The following TACR1 variants were observed in gnomAD, a reference collection of about 807,000 sequenced individuals.
TACR1 encodes the protein tachykinin receptor 1.
TACR1 carries 25 observed loss-of-function variants against 35.8 expected under a neutral mutation model. That is an observed-to-expected ratio of 0.70 (90% CI 0.51 to 0.98). The LOEUF (loss-of-function observed/expected upper bound fraction) is 0.98, where lower values mean the gene tolerates loss of function less well. Among genes scored for constraint, TACR1 ranks in the 50% least tolerant of loss-of-function variants. TACR1 has a pLI of 0.00. For synonymous variants in TACR1, 195 were observed against 206.7 expected, an observed-to-expected ratio of 0.94 and a Z score of 0.48; for missense variants, 478 against 522.9, an observed-to-expected ratio of 0.91 and a Z score of 0.84.
chr2:75,090,174 A>C (rs1332720483), intron 2 of TACR1, among the ~76,000 whole-genome samples: 1 of 152,022 alleles, frequency 6.6e-6, no homozygotes. Flanking sequence ...CCATCCTCCT[A>C]TCCTGTTCTG....
chr2:75,166,976 C>T (rs1269546229), intron 1 of TACR1, among the ~76,000 whole-genome samples: 1 of 152,042 alleles, frequency 6.6e-6, no homozygotes, highest in African/African-American at 2.4e-5. Flanking sequence ...CAGTTAGTTA[C>T]TAAATAGATA....
chr2:75,141,695 C>G (rs1211230261), intron 1 of TACR1, among the ~76,000 whole-genome samples: 1 of 152,166 alleles, frequency 6.6e-6, no homozygotes, highest in Non-Finnish European at 1.5e-5. Flanking sequence ...AATAAATACG[C>G]AGATGAATGA....
At chr2:75,152,862 T>C (rs754210798) in intron 1 of TACR1, among the ~76,000 whole-genome samples, 1 of 152,184 alleles carries the variant, frequency 6.6e-6, no homozygotes, top group Non-Finnish European at 1.5e-5. Context: ...TCAAAGGCTA[T>C]TAATTCCAAA....
Position 75,048,051 on chromosome 2 carries a change from A to T in TACR1, c.*1381T>A, listed in dbSNP as rs1421304733. The T allele has an allele frequency of 6.6e-6, 1 of 152,222 alleles. No individual in the cohort carries two copies. The highest frequency in any genetic ancestry group is 1.5e-5 in the Non-Finnish European group (1 of 68,032). The allele number at this position is 152,222 out of a possible 1,614,324, so 9.4% of individuals were successfully genotyped here. On this transcript the variant is annotated 3_prime_UTR_variant, in exon 5 of 5. Coordinates refer to ENST00000305249, the MANE Select transcript of TACR1 (RefSeq NM_001058.4). ...AATTAGGATATAAAGCATTCAGTTC[A>T]TGGCTCTTGGAAGACTGACTGTCCT... is the stretch of plus-strand genomic sequence containing the variant.
Position 75,181,953 on chromosome 2 carries a change from C to T in TACR1, c.389+16593G>A, listed in dbSNP as rs866434270. 1.8e-4 allele frequency among the ~76,000 whole-genome samples: 28 copies of T among 152,288 alleles called. No individual in the cohort carries two copies. In the Middle Eastern group the frequency reaches 0.01, roughly 55 times the overall value. On this transcript the variant is annotated intron_variant, in intron 1 of 4. Coordinates refer to ENST00000305249, the MANE Select transcript of TACR1 (RefSeq NM_001058.4). ...GTTTATCAAGCGCTCAAAGAACTAG[C>T]GGTTTCATTGCTTTTCTTAACAAGA...
rs147352674 is a variant in TACR1 at position 75,091,570 on chromosome 2, A to C, written c.584+29004T>G. Among the ~76,000 whole-genome samples the C allele has an allele frequency of 9.2e-5, 14 of 152,312 alleles. No homozygotes were observed. The East Asian group carries it at 2.7e-3, about 29-fold the overall frequency. On this transcript the variant is annotated intron_variant, in intron 2 of 4. Transcript: ENST00000305249. Reference sequence around the variant, plus strand: ...ACTGTTATAAAACCCAACTTGCTTAAGTGAGTCTGTTATTGCAACAGGGCT... The same window carrying C: ...ACTGTTATAAAACCCAACTTGCTTACGTGAGTCTGTTATTGCAACAGGGCT...
Position 75,120,588 on chromosome 2 carries a change from C to G in TACR1, c.570G>C (p.Lys190Asn). The G allele has an allele frequency of 1.2e-6, 2 of 1,603,080 alleles. No individual in the cohort carries two copies. The highest frequency in any genetic ancestry group is 1.7e-6 in the Non-Finnish European group (2 of 1,173,146). The stretch of plus-strand genomic sequence containing the variant: ...TCTCTACTCACACTTTCTCATAAAT[C>G]TTGTTCGGATGCTCTGGCCATTCGA... ...CMIEWPEHPN[K>N]IYEKVYHICV... Residue 190 changes from lysine (K) to asparagine (N), a missense_variant, in exon 2 of 5, where the codon AAG becomes AAC. Physicochemically the swap from Lys to Asn is moderately conservative, Grantham distance 94. Transcript: ENST00000305249.
intron 2 of TACR1, among the ~76,000 whole-genome samples, chr2:75,114,012 A>G (rs1030668897): frequency 3.9e-5 from 6 of 152,196 alleles, no homozygotes; most frequent in Admixed American, 3.3e-4. Flanking sequence ...CTGATTTTTG[A>G]TAATGAATCA....
chr2:75,105,531 C>T (rs1049055864), intron 2 of TACR1, among the ~76,000 whole-genome samples: 13 of 151,974 alleles, frequency 8.6e-5, no homozygotes. Flanking sequence ...TAAATGTTCT[C>T]ACCATGAAAG....
rs147246247 is a variant in TACR1 at position 75,071,367 on chromosome 2, A to G, written c.585-17612T>C. On this transcript the variant is annotated intron_variant, in intron 2 of 4. Coordinates refer to ENST00000305249, the MANE Select transcript of TACR1 (RefSeq NM_001058.4). ...GGATGCCCTCCCTTCTCTGGCACCA[A>G]TCCAAATCTTATCCTTCTTCAAGGT... Among the ~76,000 whole-genome samples the G allele has an allele frequency of 3.9e-5, 6 of 152,328 alleles. No homozygotes were observed. In the East Asian group the frequency reaches 9.6e-4, roughly 24 times the overall value.
chr2:75,190,368 A>C lies in TACR1; in HGVS notation c.389+8178T>G, dbSNP rs1231199926. On this transcript the variant is annotated intron_variant, in intron 1 of 4. Coordinates refer to ENST00000305249, the MANE Select transcript of TACR1 (RefSeq NM_001058.4). ...TGGACTACTGGTAGACTGTGTGTAC[A>C]TTTCCAAAGATGGAAAGAATGTTGA... Among the ~76,000 whole-genome samples, 3 of 152,212 alleles carry C rather than the reference A, an allele frequency of 2.0e-5. No homozygotes were observed. In the East Asian group the frequency reaches 5.8e-4, roughly 29 times the overall value.
chr2:75,051,043 GA>G lies in TACR1; in HGVS notation c.932+207del, dbSNP rs571810163. ...TGGATTTCTGGTTCCCTTTGGAAAA[GA>G]AAAAAAGAAAATCAGTCCACTCCGG... On this transcript the variant is annotated intron_variant, in intron 4 of 4. Transcript: ENST00000305249. 5.0e-4 allele frequency: 315 copies of G among 626,490 alleles called. No individual in the cohort carries two copies. The African/African-American group carries it at 5.2e-3, about 10-fold the overall frequency. 38.8% of individuals were successfully genotyped at this position (626,490 alleles called of 1,614,324 possible). A position where few individuals can be genotyped will look rare whatever the true frequency, so the allele number is the denominator to read the frequency against.
intron 1 of TACR1, among the ~76,000 whole-genome samples, chr2:75,122,416 G>GT (rs761732989): frequency 6.6e-5 from 10 of 152,144 alleles, no homozygotes; most frequent in Admixed American, 3.3e-4. Context: ...CTGCATTTTT[G>GT]TGCTAGGGAC....
chr2:75,107,169 TTC>T (rs1461099156), intron 2 of TACR1, among the ~76,000 whole-genome samples: 1 of 151,914 alleles, frequency 6.6e-6, no homozygotes, highest in Non-Finnish European at 1.5e-5. Context: ...TAAATATATT[TTC>T]TGTTACTAAA....
intron 1 of TACR1, among the ~76,000 whole-genome samples, chr2:75,165,697 A>G (rs948630646): frequency 6.6e-6 from 1 of 152,180 alleles, no homozygotes; most frequent in East Asian, 1.9e-4. Flanking sequence ...GTGAGTTCTC[A>G]TAAAATATGG....
At chr2:75,156,497 G>A (rs1233852753) in intron 1 of TACR1, among the ~76,000 whole-genome samples, 2 of 151,152 alleles carry the variant, frequency 1.3e-5, no homozygotes, top group African/African-American at 2.4e-5. Flanking sequence ...CAGCTACTCA[G>A]GAGGCTGAGG....
chr2:75,166,230 A>G (rs962594647), intron 1 of TACR1, among the ~76,000 whole-genome samples: 1 of 152,258 alleles, frequency 6.6e-6, no homozygotes, highest in Admixed American at 6.5e-5. Flanking sequence ...CAGACTAGAA[A>G]TTGATTCAGT....
intron 3 of TACR1, among the ~76,000 whole-genome samples, chr2:75,052,575 G>A (rs1008730746): frequency 1.1e-4 from 16 of 152,036 alleles, no homozygotes; most frequent in Admixed American, 2.6e-4. Flanking sequence ...AAAGGAATGA[G>A]AAAGCTCTTT....
chr2:75,132,852 C>G lies in TACR1; in HGVS notation c.390-12084G>C, dbSNP rs150456376. 9.7e-3 allele frequency among the ~76,000 whole-genome samples: 1,477 copies of G among 152,264 alleles called. 17 individuals carry two copies. Among genetic ancestry groups the G allele is most frequent in the African/African-American group, 9.2e-3 (383 of 41,544 alleles). On this transcript the variant is annotated intron_variant, in intron 1 of 4. Coordinates refer to ENST00000305249, the MANE Select transcript of TACR1 (RefSeq NM_001058.4). ...ACTTAAATGAATTTGGTCTGCATCC[C>G]CATGTGAGGATACTTTTTCTGCTAC...
Sources: gnomAD v4.1 joint callset for allele counts (sites outside exome capture counted in the v4.1 genomes callset) on GRCh38, gnomAD v4.1.1 for gene constraint, MANE v1.5 for transcripts, NCBI Gene and HGNC (gene_info 2026-07-23, HGNC 2026-07-21) for gene names.